The following CWF19L1 variants were observed in gnomAD, a reference collection of about 807,000 sequenced individuals.
CWF19L1 encodes the protein CWF19-like protein 1.
A neutral mutation model predicts 69.7 loss-of-function variants in CWF19L1; 60 were observed. That is an observed-to-expected ratio of 0.86 (90% CI 0.70 to 1.07). The LOEUF (loss-of-function observed/expected upper bound fraction) is 1.07. CWF19L1 is among the 50% of genes least tolerant of loss of function. The pLI, the probability that CWF19L1 is intolerant of heterozygous loss-of-function variation, is 0.00. For synonymous variants in CWF19L1, 209 were observed against 222.2 expected (o/e 0.94, Z 0.53); for missense variants, 591 against 638.9 (o/e 0.92, Z 0.81).
intron 9 of CWF19L1, 107 bp downstream of exon 9, chr10:100,245,692 A>T (rs547957692): frequency 1.3e-6 from 1 of 795,610 alleles, no homozygotes; most frequent in African/African-American, 1.7e-5. Context: ...CTCATTGCAC[A>T]ATTCTCCCCT....
intron 12 of CWF19L1, 107 bp from the exon 13 acceptor site, chr10:100,235,871 A>T: frequency 2.5e-6 from 2 of 786,634 alleles, no homozygotes; most frequent in Non-Finnish European, 4.1e-6. Context: ...AGAAAAAAAG[A>T]TATGTATGTT....
At position 100,262,011 on chromosome 10, in the gene CWF19L1, G is replaced by A. The variant is rs1217838871; in HGVS notation, c.76C>T (p.Gln26Ter). The change falls in exon 2 of 14, where the codon CAA (glutamine) becomes TAA (stop). Residue 26 changes from glutamine (Q) to a stop codon, truncating the protein, a stop_gained. Coordinates refer to ENST00000354105, the MANE Select transcript of CWF19L1 (RefSeq NM_018294.6). LOFTEE classifies it high-confidence loss of function. ...TTTCCACTTTTCTTCTGAATTGCTT[G>A]AACTCTATTGAATAAAATATCAAAC... The part of the protein sequence containing the change: ...GKFDILFNRV[Q>*]AIQKKSGNFD... 3.7e-6 allele frequency: 6 copies of A among 1,608,944 alleles called. No homozygotes were observed. Among genetic ancestry groups the A allele is most frequent in the Non-Finnish European group, 5.1e-6 (6 of 1,178,714 alleles).
intron 10 of CWF19L1, among the ~76,000 whole-genome samples, chr10:100,238,507 C>T (rs1026213884): frequency 6.6e-6 from 1 of 152,192 alleles, no homozygotes; most frequent in Non-Finnish European, 1.5e-5. Flanking sequence ...AGGCTTTTGG[C>T]TTCAAACACA....
At chr10:100,264,609 C>CAA (rs34568805) in intron 1 of CWF19L1, among the ~76,000 whole-genome samples, 27 of 100,580 alleles carry the variant, frequency 2.7e-4, no homozygotes, top group African/African-American at 4.9e-4. Flanking sequence ...CCTACGTATT[C>CAA]AAAAAAAAAA....
intron 10 of CWF19L1, among the ~76,000 whole-genome samples, 181 bp from the exon 11 acceptor site, chr10:100,238,412 C>T (rs543171747): frequency 1.3e-5 from 2 of 152,186 alleles, no homozygotes; most frequent in South Asian, 4.1e-4. Flanking sequence ...CTCAGGTATC[C>T]GCTGAAGAGT....
chr10:100,235,238 A>G (rs1564848021), intron 13 of CWF19L1, among the ~76,000 whole-genome samples: 1 of 152,168 alleles, frequency 6.6e-6, no homozygotes, highest in Admixed American at 6.5e-5. Context: ...GACAGTACCT[A>G]CCTTACAGAG....
rs529599863 is a variant in CWF19L1 at position 100,239,362 on chromosome 10, C to T, written c.1045-1131G>A. Reference sequence around the variant, plus strand: ...TACGTTAGAAAACAATTATCCAGACCGGGTGCGTTGGCTCATGACTGTAAT... The same window carrying T: ...TACGTTAGAAAACAATTATCCAGACTGGGTGCGTTGGCTCATGACTGTAAT... On this transcript the variant is annotated intron_variant, in intron 10 of 13. Coordinates refer to ENST00000354105, the MANE Select transcript of CWF19L1 (RefSeq NM_018294.6). 7.2e-5 allele frequency among the ~76,000 whole-genome samples: 11 copies of T among 152,230 alleles called. No homozygotes were observed. The South Asian group carries it at 1.7e-3, about 23-fold the overall frequency.
chr10:100,248,190 G>A, intron 7 of CWF19L1: 4 of 666,300 alleles, frequency 6.0e-6, no homozygotes, highest in Non-Finnish European at 8.0e-6. Flanking sequence ...CAAAAAAGCT[G>A]AAAATAGGCT....
chr10:100,261,914 G>A, intron 2 of CWF19L1, 65 bp downstream of exon 2: 1 of 1,412,742 alleles, frequency 7.1e-7, no homozygotes, highest in East Asian at 2.3e-5. Flanking sequence ...TTAAAGGAGT[G>A]CAAACTTTAT....
chr10:100,233,241 TA>T lies in CWF19L1; in HGVS notation c.1602del (p.Phe534LeufsTer19). On this transcript the variant is annotated frameshift_variant, in exon 14 of 14. Transcript: ENST00000354105. LOFTEE classifies it high-confidence loss of function. The part of the protein sequence containing the change: ...RFRKDFEPYD[F>X]TLDD ...TTCCCTTTGTTTTAGTCATCCAGAG[TA>T]AAGTCATAGGGCTCAAAGTCTTTCC... 1.2e-6 allele frequency: 2 copies of T among 1,611,940 alleles called. No individual in the cohort carries two copies. Among genetic ancestry groups the T allele is most frequent in the Non-Finnish European group, 1.7e-6 (2 of 1,179,076 alleles).
rs192974619 is a variant in CWF19L1 at position 100,255,306 on chromosome 10, C to A, written c.504+956G>T. On this transcript the variant is annotated intron_variant, in intron 5 of 13. Coordinates refer to ENST00000354105, the MANE Select transcript of CWF19L1 (RefSeq NM_018294.6). ...GGCCAAGGCGGGTGGATCACTAGAG[C>A]GCAGGAGTTCAAGACCAGCCTGGGC... 2.4e-3 allele frequency among the ~76,000 whole-genome samples: 371 copies of A among 151,940 alleles called. 2 individuals are homozygous for A. The highest frequency in any genetic ancestry group is 8.7e-3 in the African/African-American group (361 of 41,398).
chr10:100,238,191 T>C lies in CWF19L1; in HGVS notation c.1085A>G (p.His362Arg). 6.2e-7 allele frequency: 1 copy of C among 1,614,152 alleles called. No individual in the cohort carries two copies. Among genetic ancestry groups the C allele is most frequent in the Admixed American group, 1.7e-5 (1 of 60,022 alleles). The change falls in exon 11 of 14, where the codon CAT (histidine) becomes CGT (arginine). Residue 362 changes from histidine (H) to arginine (R), a missense_variant. Around this residue, in one of 3 missense-constraint regions of CWF19L1, gnomAD observed 458 missense variants for 489.3 expected, o/e 0.94. Transcript: ENST00000354105. ...GTGTCCAATAGGCAGGATGAGGACA[T>C]GGTCATCAGATAAGCCTCCTTTGGC... is the stretch of plus-strand genomic sequence containing the variant. ...ALAKGGLSDDHVLILPIGHYQ... is the reference protein window; with the variant it reads ...ALAKGGLSDDRVLILPIGHYQ...
Position 100,256,432 on chromosome 10 carries a change from A to G in CWF19L1, c.334T>C (p.Tyr112His). 6.2e-7 allele frequency: 1 copy of G among 1,614,238 alleles called. No homozygotes were observed. Among genetic ancestry groups the G allele is most frequent in the Non-Finnish European group, 8.5e-7 (1 of 1,180,030 alleles). Residue 112 changes from tyrosine (Y) to histidine (H), a missense_variant, in exon 5 of 14, where the codon TAC becomes CAC. Coordinates refer to ENST00000354105, the MANE Select transcript of CWF19L1 (RefSeq NM_018294.6). ...TTTAAGGATTCTGTCCCACTGAGGT[A>G]CACAATCTGCAGCCCCGAGCTTCCA... ...FTGSSGLQIVYLSGTESLNEP... is the reference protein window; with the variant it reads ...FTGSSGLQIVHLSGTESLNEP...
At chr10:100,249,852 C>G (rs184858242) in intron 7 of CWF19L1, among the ~76,000 whole-genome samples, 80 of 152,362 alleles carry the variant, frequency 5.3e-4, no homozygotes, top group Non-Finnish European at 7.2e-4. Flanking sequence ...TCTCAAAGTG[C>G]TGGGATTACA....
At position 100,262,099 on chromosome 10, in the gene CWF19L1, G is replaced by A. The variant is rs933230572; in HGVS notation, c.24-36C>T. 4.4e-6 allele frequency: 7 copies of A among 1,592,496 alleles called. No homozygotes were observed. In the African/African-American group the frequency reaches 9.5e-5, roughly 22 times the overall value. ...AGAGATAAACATTATAGCAATTCAG[G>A]AAACAAATGGGCCTGCCGGGTTTGG... On this transcript the variant is annotated intron_variant, in intron 1 of 13. Transcript: ENST00000354105.
chr10:100,248,268 C>T lies in CWF19L1; in HGVS notation c.709-1333G>A, dbSNP rs1227433146. 3.8e-6 allele frequency: 5 copies of T among 1,302,620 alleles called. No individual in the cohort carries two copies. The African/African-American group carries it at 7.2e-5, about 19-fold the overall frequency. 80.7% of individuals were successfully genotyped at this position (1,302,620 alleles called of 1,614,324 possible). ...GGTCCAGCAGAAGAAAACATGGCTG[C>T]CAAAGTGTTTTGAGTCCGTTGGCAA... On this transcript the variant is annotated intron_variant, in intron 7 of 13. Coordinates refer to ENST00000354105, the MANE Select transcript of CWF19L1 (RefSeq NM_018294.6).
chr10:100,252,834 C>CAA (rs80333735), intron 6 of CWF19L1, among the ~76,000 whole-genome samples: 8 of 101,228 alleles, frequency 7.9e-5, no homozygotes, highest in African/African-American at 2.2e-4. Context: ...GACTCCGTCT[C>CAA]AAAAAAAAAA....
intron 5 of CWF19L1, among the ~76,000 whole-genome samples, chr10:100,255,408 G>A (rs1254752173): frequency 6.6e-6 from 1 of 151,972 alleles, no homozygotes; most frequent in East Asian, 1.9e-4. Flanking sequence ...ATTTTGGGAG[G>A]CTGAGGTGGG....
chr10:100,252,299 G>A (rs1847063019), intron 6 of CWF19L1, among the ~76,000 whole-genome samples: 1 of 152,062 alleles, frequency 6.6e-6, no homozygotes, highest in African/African-American at 2.4e-5. Flanking sequence ...GCCAGGTGTG[G>A]TGGCGGTCGC....
Sources: gnomAD v4.1 joint callset for allele counts (sites outside exome capture counted in the v4.1 genomes callset) on GRCh38, gnomAD v4.1.1 for gene constraint, gnomAD v4.1.1 regional missense constraint, MANE v1.5 for transcripts, NCBI Gene and HGNC (gene_info 2026-07-23, HGNC 2026-07-21) for gene names.